Variants in SNTG2 observed in about 807,000 individuals in gnomAD.
SNTG2 encodes the protein syntrophin gamma 2.
Under a neutral mutation model 70.9 loss-of-function variants are expected in SNTG2, and 74 were observed. That is an observed-to-expected ratio of 1.04 (90% confidence interval 0.86 to 1.27). SNTG2 has a LOEUF of 1.27. SNTG2 is among the 50% of genes most tolerant of loss of function. SNTG2 has a pLI of 0.00. For missense variants in SNTG2, 717 were observed against 690.7 expected (o/e 1.04, Z -0.43); for synonymous variants, 278 against 273.8 (o/e 1.02, Z -0.15).
At chr2:1,267,945 G>A (rs575517068) in intron 14 of SNTG2, among the ~76,000 whole-genome samples, 6 of 152,338 alleles carry the variant, frequency 3.9e-5, no homozygotes, top group East Asian at 3.9e-4. Flanking sequence ...ATAATGTGTC[G>A]TGCAGTTACT....
chr2:1,212,571 GCTGA>G (rs751787163), intron 9 of SNTG2, among the ~76,000 whole-genome samples: 24 of 152,314 alleles, frequency 1.6e-4, no homozygotes, highest in Admixed American at 2.6e-4. Flanking sequence ...TTACTAGCTT[GCTGA>G]CTGTTTTATG....
chr2:1,090,782 C>T (rs574953270), intron 2 of SNTG2, among the ~76,000 whole-genome samples: 1 of 152,134 alleles, frequency 6.6e-6, no homozygotes, highest in African/African-American at 2.4e-5. Flanking sequence ...TCACTTGAGG[C>T]GTTTTTCCCT....
At chr2:1,299,252 T>A (rs1181132793) in intron 14 of SNTG2, among the ~76,000 whole-genome samples, 2 of 152,194 alleles carry the variant, frequency 1.3e-5, no homozygotes, top group Non-Finnish European at 2.9e-5. Flanking sequence ...CCTGCGCACA[T>A]TTCCCAGGGC....
chr2:1,216,396 G>T (rs971435054), intron 9 of SNTG2, among the ~76,000 whole-genome samples: 2 of 152,100 alleles, frequency 1.3e-5, no homozygotes, highest in African/African-American at 4.8e-5. Flanking sequence ...ACTTTTTGAT[G>T]GGGTTGTTTG....
intron 1 of SNTG2, among the ~76,000 whole-genome samples, chr2:991,407 A>ACACACACACAC (rs1553305482): frequency 5.3e-5 from 8 of 151,232 alleles, no homozygotes; most frequent in South Asian, 4.2e-4. Flanking sequence ...ACACACACAC[A>ACACACACACAC]ATTATGACTT....
At chr2:1,185,264 C>G (rs1035578181) in intron 8 of SNTG2, among the ~76,000 whole-genome samples, 13 of 152,212 alleles carry the variant, frequency 8.5e-5, no homozygotes, top group African/African-American at 2.7e-4. Context: ...TTACTGCTCT[C>G]AAAGACTGGC....
intron 16 of SNTG2, among the ~76,000 whole-genome samples, chr2:1,367,131 A>G (rs1573043152): frequency 6.6e-6 from 1 of 152,254 alleles, no homozygotes; most frequent in African/African-American, 2.4e-5. Context: ...GTAATAAAAA[A>G]TACCCAGTAT....
Position 1,186,502 on chromosome 2 carries a change from A to G in SNTG2, c.591+13319A>G, listed in dbSNP as rs571396311. 1.2e-4 allele frequency among the ~76,000 whole-genome samples: 19 copies of G among 152,312 alleles called. 1 individual carries two copies. Among genetic ancestry groups the G allele is most frequent in the African/African-American group, 4.6e-4 (19 of 41,572 alleles). ...TGAAACTGGGTAATTTATCAAGAAA[A>G]GGGGTTTAATTGGCTCATAGTACCA... is the stretch of plus-strand genomic sequence containing the variant. On this transcript the variant is annotated intron_variant, in intron 8 of 16. Coordinates refer to ENST00000308624, the MANE Select transcript of SNTG2 (RefSeq NM_018968.4).
intron 1 of SNTG2, among the ~76,000 whole-genome samples, chr2:973,472 C>A (rs907537143): frequency 6.7e-6 from 1 of 149,020 alleles, no homozygotes; most frequent in South Asian, 2.2e-4. Flanking sequence ...GAGGGACGGG[C>A]GTATTAACCT....
At chr2:962,166 T>C (rs113926489) in intron 1 of SNTG2, among the ~76,000 whole-genome samples, 5,523 of 152,210 alleles carry the variant, frequency 0.036, 328 homozygotes, top group African/African-American at 0.12. Context: ...CCCAAACACC[T>C]CAGCTCAAGC....
intron 14 of SNTG2, among the ~76,000 whole-genome samples, chr2:1,283,591 C>A (rs1679646350): frequency 6.6e-6 from 1 of 152,146 alleles, no homozygotes; most frequent in Non-Finnish European, 1.5e-5. Context: ...CCTGTCTGCC[C>A]CTGGGGCTTT....
At chr2:1,073,061 T>C (rs1013489838) in intron 1 of SNTG2, among the ~76,000 whole-genome samples, 3 of 152,246 alleles carry the variant, frequency 2.0e-5, no homozygotes, top group African/African-American at 7.2e-5. Flanking sequence ...AAGTAGTTTC[T>C]TGAGATGGAA....
At chr2:1,258,992 A>C (rs981297811) in intron 12 of SNTG2, among the ~76,000 whole-genome samples, 1 of 152,228 alleles carries the variant, frequency 6.6e-6, no homozygotes, top group Non-Finnish European at 1.5e-5. Context: ...TTTCACATGC[A>C]TTAAATGTTA....
At chr2:1,233,969 A>G (rs1676438072) in intron 9 of SNTG2, among the ~76,000 whole-genome samples, 2 of 151,770 alleles carry the variant, frequency 1.3e-5, no homozygotes, top group South Asian at 4.2e-4. Context: ...GCTTCCTACA[A>G]TCTCATGTGT....
At chr2:1,252,898 T>C (rs1055188817) in intron 12 of SNTG2, among the ~76,000 whole-genome samples, 3 of 152,250 alleles carry the variant, frequency 2.0e-5, no homozygotes, top group Non-Finnish European at 2.9e-5. Flanking sequence ...AATTTACATC[T>C]AAATATTTAT....
At chr2:1,269,655 A>G (rs889330809) in intron 14 of SNTG2, among the ~76,000 whole-genome samples, 1 of 152,194 alleles carries the variant, frequency 6.6e-6, no homozygotes, top group Non-Finnish European at 1.5e-5. Context: ...TGGAGAAGAG[A>G]AGGCATTCCC....
At chr2:1,231,980 G>A (rs1464987760) in intron 9 of SNTG2, among the ~76,000 whole-genome samples, 1 of 152,160 alleles carries the variant, frequency 6.6e-6, no homozygotes, top group Non-Finnish European at 1.5e-5. Flanking sequence ...CAGCATTCCT[G>A]AAGGCTGCTT....
intron 10 of SNTG2, 86 bp from the exon 11 acceptor site, chr2:1,239,652 G>A (rs779034517): frequency 3.8e-5 from 53 of 1,409,444 alleles, no homozygotes; most frequent in African/African-American, 5.6e-5. Context: ...AGGACAGAGC[G>A]TGGCTGATGA....
intron 16 of SNTG2, among the ~76,000 whole-genome samples, chr2:1,364,596 A>T (rs1427396246): frequency 1.3e-5 from 1 of 75,698 alleles, no homozygotes; most frequent in Non-Finnish European, 2.9e-5. Flanking sequence ...TCCACTAAAA[A>T]TACAAAAAAA....
Sources: allele counts gnomAD v4.1 joint callset (sites outside exome capture counted in the v4.1 genomes callset), GRCh38; gene constraint gnomAD v4.1.1; transcripts MANE v1.5; gene names NCBI Gene and HGNC (gene_info 2026-07-23, HGNC 2026-07-21).